The following TSPAN5 variants were observed in gnomAD, a reference collection of about 807,000 sequenced individuals.
TSPAN5 encodes tetraspanin 5, also known as tetraspanin-5.
In TSPAN5, 10 loss-of-function variants were observed where a neutral mutation model predicts 37.1. That is an observed-to-expected ratio of 0.27 (90% CI 0.17 to 0.46). The LOEUF (loss-of-function observed/expected upper bound fraction) is 0.46. Ranked by LOEUF, TSPAN5 falls within the 20% of genes least tolerant of loss-of-function variation. The pLI, the probability that TSPAN5 is intolerant of heterozygous loss-of-function variation, is 1.00. For synonymous variants in TSPAN5, 110 were observed against 118.9 expected (o/e 0.93, Z 0.48); for missense variants, 195 against 326.6 (o/e 0.60, Z 3.11).
chr4:98,531,439 T>C (rs990390430), intron 1 of TSPAN5, among the ~76,000 whole-genome samples: 5 of 152,232 alleles, frequency 3.3e-5, no homozygotes, highest in African/African-American at 1.2e-4. Context: ...ATAGTGTATA[T>C]GTGCCACATT....
intron 2 of TSPAN5, among the ~76,000 whole-genome samples, chr4:98,497,310 C>G (rs1753233593): frequency 7.6e-6 from 1 of 131,132 alleles, no homozygotes; most frequent in Admixed American, 8.0e-5. Context: ...CAGAGAGACT[C>G]CATCTCAAAA....
intron 1 of TSPAN5, among the ~76,000 whole-genome samples, chr4:98,609,129 A>C (rs1021327267): frequency 6.6e-6 from 1 of 152,170 alleles, no homozygotes; most frequent in African/African-American, 2.4e-5. Flanking sequence ...AAAAATGAAA[A>C]GAAAAAAAAC....
chr4:98,474,987 A>G (rs1178657242), intron 7 of TSPAN5, among the ~76,000 whole-genome samples: 1 of 151,968 alleles, frequency 6.6e-6, no homozygotes, highest in African/African-American at 2.4e-5. Flanking sequence ...GCCTGGTTTT[A>G]TTTCTTGATT....
chr4:98,493,010 C>G (rs567813120), intron 2 of TSPAN5, among the ~76,000 whole-genome samples: 1 of 152,134 alleles, frequency 6.6e-6, no homozygotes, highest in Non-Finnish European at 1.5e-5. Flanking sequence ...GACCCCATCT[C>G]TAGAAAAAAT....
At chr4:98,617,108 G>T (rs1448849806) in intron 1 of TSPAN5, among the ~76,000 whole-genome samples, 1 of 152,142 alleles carries the variant, frequency 6.6e-6, no homozygotes, top group Non-Finnish European at 1.5e-5. Context: ...AGAGCTCACA[G>T]AAATCTTTAA....
At chr4:98,637,932 A>C (rs182034919) in intron 1 of TSPAN5, among the ~76,000 whole-genome samples, 1 of 152,306 alleles carries the variant, frequency 6.6e-6, no homozygotes, top group East Asian at 1.9e-4. Flanking sequence ...TGAAAAGAAA[A>C]AGAAAGAAAG....
chr4:98,481,941 T>G, intron 4 of TSPAN5, 64 bp downstream of exon 4: 18 of 1,543,906 alleles, frequency 1.2e-5, no homozygotes, highest in East Asian at 2.3e-5. Context: ...CCAGGAGGGA[T>G]GAAATTCACT....
chr4:98,623,739 T>G (rs1200969978), intron 1 of TSPAN5, among the ~76,000 whole-genome samples: 1 of 152,190 alleles, frequency 6.6e-6, no homozygotes, highest in Admixed American at 6.5e-5. Flanking sequence ...CCTTACTCCT[T>G]TGGTGGCTTT....
chr4:98,643,979 C>T (rs1463201750), intron 1 of TSPAN5, among the ~76,000 whole-genome samples: 1 of 152,182 alleles, frequency 6.6e-6, no homozygotes, highest in Admixed American at 6.5e-5. Flanking sequence ...CCGTCTTCTG[C>T]CTCCATAAGG....
intron 5 of TSPAN5, 80 bp downstream of exon 5, chr4:98,478,605 A>G: frequency 6.3e-7 from 1 of 1,587,824 alleles, no homozygotes; most frequent in South Asian, 1.1e-5. Flanking sequence ...GGGTTCAACC[A>G]AAAAATCACT....
intron 1 of TSPAN5, among the ~76,000 whole-genome samples, chr4:98,574,172 A>G (rs2110186292): frequency 6.6e-6 from 1 of 152,314 alleles, no homozygotes; most frequent in South Asian, 2.1e-4. Flanking sequence ...TCCTCAAGTT[A>G]ACCCGTTACC....
chr4:98,549,388 TGCCTCTC>T (rs1402288218), intron 1 of TSPAN5, among the ~76,000 whole-genome samples: 4 of 151,846 alleles, frequency 2.6e-5, no homozygotes, highest in African/African-American at 9.7e-5. Flanking sequence ...CTGCAACCTC[TGCCTCTC>T]GGGTTTAAGC....
At chr4:98,609,403 A>G (rs1484398609) in intron 1 of TSPAN5, among the ~76,000 whole-genome samples, 1 of 152,170 alleles carries the variant, frequency 6.6e-6, no homozygotes, top group Non-Finnish European at 1.5e-5. Context: ...TGCTGGAGGT[A>G]AAACCAGATG....
chr4:98,523,097 T>A (rs1753890172), intron 1 of TSPAN5, among the ~76,000 whole-genome samples: 1 of 152,244 alleles, frequency 6.6e-6, no homozygotes, highest in Non-Finnish European at 1.5e-5. Flanking sequence ...TCTTGGAAAT[T>A]AATTTACATA....
At chr4:98,648,507 A>G (rs984799182) in intron 1 of TSPAN5, among the ~76,000 whole-genome samples, 1 of 152,264 alleles carries the variant, frequency 6.6e-6, no homozygotes, top group African/African-American at 2.4e-5. Context: ...GCTAGCTTCT[A>G]GCCCTATATG....
At chr4:98,654,327 G>T (rs971170897) in intron 1 of TSPAN5, among the ~76,000 whole-genome samples, 8 of 152,222 alleles carry the variant, frequency 5.3e-5, no homozygotes, top group Admixed American at 5.2e-4. Context: ...CAATTTACTT[G>T]CCTGGGAACA....
intron 1 of TSPAN5, among the ~76,000 whole-genome samples, chr4:98,656,308 G>C (rs1757292636): frequency 6.6e-6 from 1 of 152,132 alleles, no homozygotes. Flanking sequence ...GCTAGGAAAC[G>C]GCAGAGAAAG....
At chr4:98,611,105 A>T (rs2110234373) in intron 1 of TSPAN5, among the ~76,000 whole-genome samples, 1 of 152,312 alleles carries the variant, frequency 6.6e-6, no homozygotes, top group African/African-American at 2.4e-5. Context: ...AAGGCAGAGG[A>T]ACTCCTCCAA....
At chr4:98,581,362 C>G (rs1755365628) in intron 1 of TSPAN5, among the ~76,000 whole-genome samples, 1 of 152,046 alleles carries the variant, frequency 6.6e-6, no homozygotes, top group Admixed American at 6.6e-5. Context: ...ATATGTTTTA[C>G]CAACCCAGCT....
Sources: gnomAD v4.1 joint callset for allele counts (sites outside exome capture counted in the v4.1 genomes callset) on GRCh38, gnomAD v4.1.1 for gene constraint, MANE v1.5 for transcripts, NCBI Gene and HGNC (gene_info 2026-07-23, HGNC 2026-07-21) for gene names.